Variants in VWF observed in about 807,000 individuals in gnomAD.
The protein encoded by VWF is Factor VIII related antigen.
Under a neutral mutation model 308.6 loss-of-function variants are expected in VWF, and 176 were observed. That is an observed-to-expected ratio of 0.57 (90% CI 0.50 to 0.65). VWF has a LOEUF of 0.65. Ranked by LOEUF, VWF falls within the 30% of genes least tolerant of loss-of-function variation. The pLI, the probability that VWF is intolerant of heterozygous loss-of-function variation, is 0.00. For synonymous variants in VWF, 1,385 were observed against 1,443.4 expected (o/e 0.96, Z 0.92); for missense variants, 3,146 against 3,648.2 (o/e 0.86, Z 3.55).
Position 6,052,607 on chromosome 12 carries a change from G to C in VWF, c.2122C>G (p.Pro708Ala), listed in dbSNP as rs1457991100. 1 of 1,614,256 alleles carries C rather than the reference G, an allele frequency of 6.2e-7. No homozygotes were observed. Among genetic ancestry groups the C allele is most frequent in the Admixed American group, 1.7e-5 (1 of 60,032 alleles). Reference protein sequence around the residue: ...RGDCVPKAQCPCYYDGEIFQP... With the variant: ...RGDCVPKAQCACYYDGEIFQP... ...AAGATCTCACCGTCATAGTAACAGG[G>C]GCACTGGGCCTTGGGCACGCAGTCC... Residue 708 changes from proline to alanine, a missense_variant, in exon 16 of 52, where the codon CCC (proline) becomes GCC (alanine). By Grantham distance (27) the Pro-to-Ala change is conservative (BLOSUM62 -1). This residue lies in a region of VWF where 1,304 missense variants were observed against 1,353.0 expected (regional missense o/e 0.96). Transcript: ENST00000261405.
chr12:6,095,737 AG>A lies in VWF; in HGVS notation c.533-154del, dbSNP rs1462081207. The A allele has an allele frequency of 2.4e-4, 39 of 159,752 alleles. No homozygotes were observed. The South Asian group carries it at 4.8e-3, about 20-fold the overall frequency. The allele number at this position is 159,752 out of a possible 1,614,324, so 9.9% of individuals were successfully genotyped here. A position where few individuals can be genotyped will look rare whatever the true frequency, so the allele number is the denominator to read the frequency against. On this transcript the variant is annotated intron_variant, in intron 5 of 51. Coordinates refer to ENST00000261405, the MANE Select transcript of VWF (RefSeq NM_000552.5). ...GGCTATGTTTCCCAGGCTGGAGTGC[AG>A]CGGCTATTCACAAGTGCAATCCCAC...
intron 6 of VWF, among the ~76,000 whole-genome samples, chr12:6,081,688 G>A (rs1303690696): frequency 6.6e-6 from 1 of 152,086 alleles, no homozygotes; most frequent in Non-Finnish European, 1.5e-5. Flanking sequence ...GGACTCCCAA[G>A]ATCCTTTCAG....
At chr12:5,961,528 C>T (rs1943315668) in intron 47 of VWF, among the ~76,000 whole-genome samples, 1 of 148,846 alleles carries the variant, frequency 6.7e-6, no homozygotes, top group Non-Finnish European at 1.5e-5. Context: ...GAAGTAAAAG[C>T]TGTCTTTATT....
intron 34 of VWF, among the ~76,000 whole-genome samples, chr12:6,000,908 T>C (rs1357665872): frequency 2.6e-5 from 4 of 151,820 alleles, no homozygotes; most frequent in African/African-American, 4.8e-5. Flanking sequence ...AAAGTGAGCA[T>C]TTTTATTTAT....
chr12:5,954,810 T>G (rs932672619), intron 47 of VWF, among the ~76,000 whole-genome samples: 5 of 152,152 alleles, frequency 3.3e-5, no homozygotes, highest in African/African-American at 1.2e-4. Context: ...GAGTTTGCTG[T>G]CTGAATTCTA....
At chr12:6,116,746 A>C (rs777417856) in intron 3 of VWF, among the ~76,000 whole-genome samples, 1 of 152,172 alleles carries the variant, frequency 6.6e-6, no homozygotes, top group Non-Finnish European at 1.5e-5. Context: ...CAGGAGACAG[A>C]ATCAAGGACA....
intron 18 of VWF, among the ~76,000 whole-genome samples, chr12:6,041,600 C>G (rs1157677451): frequency 6.6e-6 from 1 of 151,798 alleles, no homozygotes; most frequent in Non-Finnish European, 1.5e-5. Context: ...AGGCGCCCGC[C>G]ACCACGCCCA....
intron 31 of VWF, 57 bp from the exon 32 acceptor site, chr12:6,013,702 T>C: frequency 6.3e-7 from 1 of 1,597,348 alleles, no homozygotes; most frequent in South Asian, 1.1e-5. Flanking sequence ...CAAAATGGAC[T>C]GGCCTGACGT....
chr12:5,951,196 A>T (rs1412858480), intron 50 of VWF, among the ~76,000 whole-genome samples: 1 of 152,188 alleles, frequency 6.6e-6, no homozygotes, highest in East Asian at 1.9e-4. Flanking sequence ...ATGTATGGGA[A>T]GAACACTGTC....
chr12:5,975,531 G>A (rs1324801504), intron 43 of VWF, among the ~76,000 whole-genome samples: 1 of 152,132 alleles, frequency 6.6e-6, no homozygotes, highest in Non-Finnish European at 1.5e-5. Context: ...CAGGGATCAT[G>A]TTTTCCGTAC....
At chr12:5,963,313 T>C (rs1388709597) in intron 47 of VWF, among the ~76,000 whole-genome samples, 1 of 152,166 alleles carries the variant, frequency 6.6e-6, no homozygotes, top group Non-Finnish European at 1.5e-5. Flanking sequence ...GGCCAAAAGC[T>C]TGAACAAACA....
chr12:5,949,871 T>A lies in VWF; in HGVS notation c.8168A>T (p.Glu2723Val). Residue 2723 changes from glutamate to valine, a missense_variant, in exon 51 of 52, where the codon GAG becomes GTG. Around this residue, in one of 3 missense-constraint regions of VWF, gnomAD observed 989 missense variants for 1,117.4 expected, o/e 0.89. Coordinates refer to ENST00000261405, the MANE Select transcript of VWF (RefSeq NM_000552.5). Reference sequence around the variant, plus strand: ...CAGCCTGGCAGTGATGTCGTTGCACTCAGGCTCCTCACCTACAGGACAGGT... The same window carrying A: ...CAGCCTGGCAGTGATGTCGTTGCACACAGGCTCCTCACCTACAGGACAGGT... The part of the protein sequence containing the change: ...GTCCDTCEEP[E>V]CNDITARLQY... 1.2e-6 allele frequency: 2 copies of A among 1,613,586 alleles called. No homozygotes were observed. Among genetic ancestry groups the A allele is most frequent in the Middle Eastern group, 1.6e-4 (1 of 6,062 alleles).
In VWF at chr12:6,058,781, A is replaced by G. The variant is rs1944623382; in HGVS notation, c.1534-737T>C. Among the ~76,000 whole-genome samples the G allele has an allele frequency of 6.6e-6, 1 of 152,212 alleles. No homozygotes were observed. The highest frequency in any genetic ancestry group is 6.5e-5 in the Admixed American group (1 of 15,292). Reference sequence around the variant, plus strand: ...ACTCCAGGCCATGAGCATGTGGTTTACTGTCCATTCTCAGAACTGAACAAA... The same window carrying G: ...ACTCCAGGCCATGAGCATGTGGTTTGCTGTCCATTCTCAGAACTGAACAAA... On this transcript the variant is annotated intron_variant, in intron 13 of 51. Transcript: ENST00000261405. The surrounding 1 kb of genome is among the most constrained non-coding windows in gnomAD (Gnocchi z 4.9).
intron 37 of VWF, among the ~76,000 whole-genome samples, chr12:5,992,959 A>G (rs12579603): frequency 0.26 from 39,383 of 152,158 alleles, 6,351 homozygotes; most frequent in Non-Finnish European, 0.35. Context: ...TCAGAAAATC[A>G]GAGCCCTAAG....
intron 34 of VWF, among the ~76,000 whole-genome samples, chr12:6,010,552 C>T (rs115409032): frequency 0.01 from 1,564 of 152,288 alleles, 20 homozygotes; most frequent in African/African-American, 0.036. Context: ...AAAATTCGTT[C>T]GTATGTTCAG....
chr12:6,104,143 CA>C (rs371474324), intron 5 of VWF, among the ~76,000 whole-genome samples: 2 of 152,106 alleles, frequency 1.3e-5, no homozygotes, highest in African/African-American at 4.8e-5. Context: ...CAAAGGAAGA[CA>C]TACAAATATC....
At chr12:6,070,373 C>T (rs1313565880) in intron 10 of VWF, among the ~76,000 whole-genome samples, 2 of 152,130 alleles carry the variant, frequency 1.3e-5, no homozygotes, top group Non-Finnish European at 2.9e-5. Flanking sequence ...TAAATACAGT[C>T]CCAGGTATCC....
At chr12:6,038,942 G>T (rs1485935798) in intron 18 of VWF, among the ~76,000 whole-genome samples, 1 of 152,188 alleles carries the variant, frequency 6.6e-6, no homozygotes. Context: ...TCCCAAAGTG[G>T]CAAAGACATT....
intron 2 of VWF, chr12:6,122,649 A>G: frequency 4.7e-6 from 2 of 429,608 alleles, no homozygotes; most frequent in Non-Finnish European, 9.2e-6. Context: ...CAGACCCAGA[A>G]TCTTAGCAAG....
Sources: allele counts gnomAD v4.1 joint callset (sites outside exome capture counted in the v4.1 genomes callset), GRCh38; gene constraint gnomAD v4.1.1; regional missense constraint gnomAD v4.1.1; non-coding constraint Gnocchi (gnomAD v3.1); transcripts MANE v1.5; gene names NCBI Gene and HGNC (gene_info 2026-07-23, HGNC 2026-07-21).